The following ATP11A variants were observed in gnomAD, a reference collection of about 807,000 sequenced individuals.
ATP11A encodes phospholipid-transporting ATPase IH.
ATP11A carries 81 observed loss-of-function variants against 154.4 expected under a neutral mutation model. The ratio of observed to expected loss-of-function variants is 0.52; its 90% CI spans 0.44 to 0.63. ATP11A has a LOEUF of 0.63. Ranked by LOEUF, ATP11A falls within the 30% of genes least tolerant of loss-of-function variation. The pLI, the probability that ATP11A is intolerant of heterozygous loss-of-function variation, is 0.00. For missense variants in ATP11A, 1,316 were observed against 1,474.3 expected (o/e 0.89, Z 1.76); for synonymous variants, 623 against 585.9 (o/e 1.06, Z -0.91).
At position 112,831,559 on chromosome 13, in the gene ATP11A, GC is replaced by G. The variant is rs762162640; in HGVS notation, c.1395+16del. Reference sequence around the variant, plus strand: ...AGCGTCAACGGGAGGGTAGGTGGCAGCCCCCACGCCGTCCAAGTGTGTGAGT... The same window carrying G: ...AGCGTCAACGGGAGGGTAGGTGGCAGCCCCACGCCGTCCAAGTGTGTGAGT... On this transcript the variant is annotated intron_variant, in intron 13 of 29. Coordinates refer to ENST00000375645, the MANE Select transcript of ATP11A (RefSeq NM_015205.3). 1.1e-5 allele frequency: 18 copies of G among 1,612,386 alleles called. No individual in the cohort carries two copies. Among genetic ancestry groups the G allele is most frequent in the Non-Finnish European group, 1.5e-5 (18 of 1,178,838 alleles).
In ATP11A at chr13:112,819,332, G is replaced by A; in HGVS notation, c.599G>A (p.Gly200Asp). 6.2e-7 allele frequency: 1 copy of A among 1,614,208 alleles called. No homozygotes were observed. Residue 200 changes from glycine to aspartate, a missense_variant, in exon 7 of 30, where the codon GGC (glycine) becomes GAC (aspartate). Around this residue, in one of 5 missense-constraint regions of ATP11A, gnomAD observed 876 missense variants for 1,006.8 expected, o/e 0.87. Transcript: ENST00000375645. ...CATTACGCGGTCCAGGACACCAAAG[G>A]CTTCCACACAGAGGAGGATATCGGC... ...KTHYAVQDTKGFHTEEDIGGL... is the reference protein window; with the variant it reads ...KTHYAVQDTKDFHTEEDIGGL...
intron 1 of ATP11A, among the ~76,000 whole-genome samples, chr13:112,758,020 C>G (rs551223477): frequency 6.6e-6 from 1 of 152,256 alleles, no homozygotes; most frequent in African/African-American, 2.4e-5. Context: ...ACATGCTACT[C>G]AGGTTCCATC....
intron 25 of ATP11A, among the ~76,000 whole-genome samples, chr13:112,866,583 G>A (rs1057333423): frequency 1.3e-5 from 2 of 150,938 alleles, no homozygotes; most frequent in African/African-American, 4.9e-5. Flanking sequence ...TATTTAACTA[G>A]CCGTACAAGC....
In ATP11A at chr13:112,757,094, A is replaced by G. The variant is rs1215046393; in HGVS notation, c.40-28041A>G. Among the ~76,000 whole-genome samples the G allele has an allele frequency of 2.6e-5, 4 of 152,396 alleles. 1 individual carries two copies. The South Asian group carries it at 8.3e-4, about 32-fold the overall frequency. ...TGCTTTTTATTTATTTAGGCAAAAG[A>G]TAAAAAGTTACTGCTGCTACAATCT... On this transcript the variant is annotated intron_variant, in intron 1 of 29. Coordinates refer to ENST00000375645, the MANE Select transcript of ATP11A (RefSeq NM_015205.3).
intron 1 of ATP11A, among the ~76,000 whole-genome samples, chr13:112,764,536 C>T (rs923010377): frequency 6.6e-6 from 1 of 152,208 alleles, no homozygotes; most frequent in Non-Finnish European, 1.5e-5. Flanking sequence ...GCTGGGCCCC[C>T]ACCCTGCCTC....
At chr13:112,849,303 G>A (rs1433345173) in intron 17 of ATP11A, among the ~76,000 whole-genome samples, 1 of 152,186 alleles carries the variant, frequency 6.6e-6, no homozygotes, top group Admixed American at 6.5e-5. Context: ...TTTTCTTGTA[G>A]GGTATTTGTC....
At chr13:112,800,637 A>G (rs765881748) in intron 2 of ATP11A, among the ~76,000 whole-genome samples, 2 of 152,186 alleles carry the variant, frequency 1.3e-5, no homozygotes, top group Non-Finnish European at 1.5e-5. Context: ...AACATTTTCT[A>G]ATTCGTTCTA....
At chr13:112,861,094 A>G (rs1426087949) in intron 24 of ATP11A, among the ~76,000 whole-genome samples, 1 of 152,170 alleles carries the variant, frequency 6.6e-6, no homozygotes, top group Non-Finnish European at 1.5e-5. Flanking sequence ...ATGGTGGCAG[A>G]CAGGAGAGCG....
intron 2 of ATP11A, among the ~76,000 whole-genome samples, chr13:112,792,091 G>C (rs2077876193): frequency 6.6e-6 from 1 of 152,200 alleles, no homozygotes; most frequent in South Asian, 2.1e-4. Context: ...GGGATTAGTA[G>C]CTTAGTCTCA....
intron 1 of ATP11A, among the ~76,000 whole-genome samples, chr13:112,782,562 G>A (rs2077525823): frequency 6.6e-6 from 1 of 152,256 alleles, no homozygotes; most frequent in African/African-American, 2.4e-5. Flanking sequence ...TTTATAGGCA[G>A]CAGTTTATTT....
At chr13:112,845,334 G>A (rs750456347) in intron 17 of ATP11A, among the ~76,000 whole-genome samples, 1 of 114,356 alleles carries the variant, frequency 8.7e-6, no homozygotes, top group Admixed American at 8.4e-5. Context: ...CGGCACTATC[G>A]GTACTAACCA....
At position 112,785,852 on chromosome 13, in the gene ATP11A, C is replaced by CT. The variant is rs2077612267; in HGVS notation, c.162+597dup. ...TTCAGAGAGTGACCTGGAAACAGGT[C>CT]TTAAGAACAAGGTGGAAATTTAGCT... On this transcript the variant is annotated intron_variant, in intron 2 of 29. Coordinates refer to ENST00000375645, the MANE Select transcript of ATP11A (RefSeq NM_015205.3). This position sits in a 1 kb window ranked among gnomAD's most constrained non-coding sequence, Gnocchi z 4.8. Among the ~76,000 whole-genome samples, 1 of 152,234 alleles carries CT rather than the reference C, an allele frequency of 6.6e-6. No homozygotes were observed. The highest frequency in any genetic ancestry group is 1.5e-5 in the Non-Finnish European group (1 of 68,038).
chr13:112,744,111 C>G (rs1891847808), intron 1 of ATP11A, among the ~76,000 whole-genome samples: 2 of 152,218 alleles, frequency 1.3e-5, no homozygotes, highest in South Asian at 4.1e-4. Context: ...AAGGCTTCCT[C>G]TTCACGCATT....
chr13:112,736,585 C>T (rs889346919), intron 1 of ATP11A, among the ~76,000 whole-genome samples: 11 of 152,104 alleles, frequency 7.2e-5, no homozygotes, highest in Admixed American at 5.9e-4. Context: ...TGATCTTTCT[C>T]CTCCCAGTTA....
At chr13:112,802,252 A>G (rs527584642) in intron 2 of ATP11A, among the ~76,000 whole-genome samples, 1 of 152,308 alleles carries the variant, frequency 6.6e-6, no homozygotes, top group East Asian at 1.9e-4. Context: ...AGGCTGAGGC[A>G]GGAGAATGGC....
At chr13:112,705,062 G>A (rs1034448449) in intron 1 of ATP11A, among the ~76,000 whole-genome samples, 8 of 152,342 alleles carry the variant, frequency 5.3e-5, no homozygotes, top group Non-Finnish European at 1.0e-4. Context: ...GTGAGGTGAC[G>A]TGATTTCACT....
intron 1 of ATP11A, among the ~76,000 whole-genome samples, chr13:112,709,381 T>C (rs542090968): frequency 2.5e-4 from 38 of 152,328 alleles, no homozygotes; most frequent in African/African-American, 9.1e-4. Context: ...GTGGGAAAAA[T>C]CCACATTCTG....
chr13:112,884,338 G>T lies in ATP11A; in HGVS notation c.*2472G>T, dbSNP rs1326267813. ...TAGAAGATTCTCACGTGAAGGTTTA[G>T]TAAGTTGGGTCCCAGCTCTGCCTGT... On this transcript the variant is annotated 3_prime_UTR_variant, in exon 30 of 30. Transcript: ENST00000375645. 1 of 152,636 alleles carries T rather than the reference G, an allele frequency of 6.6e-6. No individual in the cohort carries two copies. The highest frequency in any genetic ancestry group is 2.4e-5 in the African/African-American group (1 of 41,448). The allele number at this position is 152,636 out of a possible 1,614,324, so 9.5% of individuals were successfully genotyped here.
intron 1 of ATP11A, among the ~76,000 whole-genome samples, chr13:112,774,409 C>T (rs992906865): frequency 1.3e-5 from 2 of 152,172 alleles, no homozygotes; most frequent in Non-Finnish European, 2.9e-5. Flanking sequence ...CACACCTGGG[C>T]CCTGTTTATT....
Sources: gnomAD v4.1 joint callset for allele counts (sites outside exome capture counted in the v4.1 genomes callset) on GRCh38, gnomAD v4.1.1 for gene constraint, gnomAD v4.1.1 regional missense constraint, Gnocchi (gnomAD v3.1) non-coding constraint, MANE v1.5 for transcripts, NCBI Gene and HGNC (gene_info 2026-07-23, HGNC 2026-07-21) for gene names.